ADGRL3: variants seen among roughly 807,000 people sequenced by gnomAD.
ADGRL3 encodes the protein adhesion G protein-coupled receptor L3, also known as calcium-independent alpha-latrotoxin receptor 3.
A neutral mutation model predicts 153.5 loss-of-function variants in ADGRL3; 62 were observed. The observed-to-expected ratio is 0.40, with a 90% CI of 0.33 to 0.50. The LOEUF is 0.50. Ranked by LOEUF, ADGRL3 falls within the 20% of genes least tolerant of loss-of-function variation. ADGRL3 has a pLI of 0.47. For synonymous variants in ADGRL3, 710 were observed against 672.5 expected, an observed-to-expected ratio of 1.06 and a Z score of -0.86; for missense variants, 1,641 against 1,859.4, an observed-to-expected ratio of 0.88 and a Z score of 2.16.
intron 9 of ADGRL3, among the ~76,000 whole-genome samples, chr4:61,823,053 T>C (rs2097770043): frequency 6.6e-6 from 1 of 152,114 alleles, no homozygotes; most frequent in Non-Finnish European, 1.5e-5. Flanking sequence ...GATTAGTATG[T>C]CTCTAAGTAG....
chr4:61,898,775 C>A lies in ADGRL3; in HGVS notation c.1887+2941C>A, dbSNP rs114741125. On this transcript the variant is annotated intron_variant, in intron 11 of 26. Transcript: ENST00000683033. ...GGGACTACAGGCACACACTGCAACA[C>A]TTGGCGAATTTTTTGTATTTTAGTA... Among the ~76,000 whole-genome samples, 173 of 152,156 alleles carry A rather than the reference C, an allele frequency of 1.1e-3. 4 individuals are homozygous for A. Among genetic ancestry groups the A allele is most frequent in the South Asian group, 7.1e-3 (34 of 4,814 alleles).
rs1407498611 is a variant in ADGRL3 at position 62,070,382 on chromosome 4, G to A, written c.4106G>A (p.Ser1369Asn). 6.4e-7 allele frequency: 1 copy of A among 1,551,996 alleles called. No individual in the cohort carries two copies. Among genetic ancestry groups the A allele is most frequent in the East Asian group, 2.4e-5 (1 of 40,900 alleles). ...AACAAGCTGGTGAATAACCTTGGCA[G>A]TGGAAGGGAAGATGATGCCATTGTC... ...LMNKLVNNLGSGREDDAIVLD... is the reference protein window; with the variant it reads ...LMNKLVNNLGNGREDDAIVLD... The change falls in exon 27 of 27, where the codon AGT (serine) becomes AAT (asparagine). Residue 1369 changes from serine to asparagine, a missense_variant. Ser to Asn is a conservative substitution (Grantham distance 46, BLOSUM62 1). Transcript: ENST00000683033.
chr4:61,384,728 G>T (rs1291823458), intron 2 of ADGRL3, among the ~76,000 whole-genome samples: 2 of 151,844 alleles, frequency 1.3e-5, no homozygotes, highest in Non-Finnish European at 1.5e-5. Flanking sequence ...CACTCCAGTA[G>T]AAGCTAATAA....
intron 5 of ADGRL3, among the ~76,000 whole-genome samples, chr4:61,648,905 A>C (rs1197643953): frequency 6.6e-6 from 1 of 152,056 alleles, no homozygotes; most frequent in East Asian, 1.9e-4. Context: ...TGTTAGGGAC[A>C]TGATAAGAAC....
intron 5 of ADGRL3, among the ~76,000 whole-genome samples, chr4:61,647,266 C>A (rs553562400): frequency 2.0e-5 from 3 of 152,118 alleles, no homozygotes; most frequent in Admixed American, 1.3e-4. Flanking sequence ...GAGCTGTAGA[C>A]CAGAGCTTTT....
intron 1 of ADGRL3, among the ~76,000 whole-genome samples, chr4:61,380,877 C>T (rs1205643537): frequency 6.6e-6 from 1 of 151,984 alleles, no homozygotes; most frequent in Non-Finnish European, 1.5e-5. Flanking sequence ...AAAAGAAATT[C>T]AGTCGTATTA....
intron 4 of ADGRL3, among the ~76,000 whole-genome samples, chr4:61,573,140 T>G (rs2098845797): frequency 6.6e-6 from 1 of 152,042 alleles, no homozygotes; most frequent in South Asian, 2.1e-4. Context: ...TGTAAGGTAT[T>G]GCTATCCAGC....
At chr4:61,647,031 T>C (rs541442489) in intron 5 of ADGRL3, among the ~76,000 whole-genome samples, 1 of 152,244 alleles carries the variant, frequency 6.6e-6, no homozygotes, top group Admixed American at 6.5e-5. Flanking sequence ...TGGGAGTCAC[T>C]CGATTTTCCA....
At chr4:61,759,587 G>A (rs908190062) in intron 8 of ADGRL3, among the ~76,000 whole-genome samples, 1 of 151,944 alleles carries the variant, frequency 6.6e-6, no homozygotes, top group Non-Finnish European at 1.5e-5. Flanking sequence ...TTTTTTTCAA[G>A]GTTTTTAATT....
intron 1 of ADGRL3, among the ~76,000 whole-genome samples, chr4:61,337,022 A>C (rs564387872): frequency 6.6e-6 from 1 of 151,246 alleles, no homozygotes; most frequent in South Asian, 2.1e-4. Context: ...ATTTGAGGCT[A>C]ATTTCCTACC....
At chr4:61,762,266 A>G (rs924000234) in intron 8 of ADGRL3, among the ~76,000 whole-genome samples, 1 of 152,204 alleles carries the variant, frequency 6.6e-6, no homozygotes, top group Admixed American at 6.5e-5. Context: ...AAACATTTAT[A>G]TTAAAAATAT....
intron 9 of ADGRL3, among the ~76,000 whole-genome samples, chr4:61,821,136 A>T (rs1036396746): frequency 6.6e-6 from 1 of 150,538 alleles, no homozygotes; most frequent in African/African-American, 2.5e-5. Context: ...CCATTATAGA[A>T]ATTCTTCACA....
Position 61,313,612 on chromosome 4 carries a change from G to C in ADGRL3, c.-239-69512G>C, listed in dbSNP as rs550864497. 9.2e-5 allele frequency among the ~76,000 whole-genome samples: 14 copies of C among 152,232 alleles called. No individual in the cohort carries two copies. The South Asian group carries it at 2.9e-3, about 32-fold the overall frequency. ...GTATAACACAACCAATTTTACCACA[G>C]AGTAAGTGATGTAAATAAAAGTTAA... is the stretch of plus-strand genomic sequence containing the variant. On this transcript the variant is annotated intron_variant, in intron 1 of 26. Coordinates refer to ENST00000683033, the MANE Select transcript of ADGRL3 (RefSeq NM_001387552.1).
At chr4:61,325,758 A>G (rs572784571) in intron 1 of ADGRL3, among the ~76,000 whole-genome samples, 22 of 152,282 alleles carry the variant, frequency 1.4e-4, no homozygotes, top group African/African-American at 4.8e-4. Context: ...TTAGTAGAGT[A>G]AAAATATGTT....
chr4:62,043,403 C>G (rs1729445588), intron 24 of ADGRL3, among the ~76,000 whole-genome samples: 1 of 151,900 alleles, frequency 6.6e-6, no homozygotes. Context: ...AGTTTTCTGT[C>G]TATGTCTGTG....
intron 1 of ADGRL3, among the ~76,000 whole-genome samples, chr4:61,280,111 TTC>T (rs68115526): frequency 0.71 from 85,363 of 120,026 alleles, 30,481 homozygotes; most frequent in Middle Eastern, 0.81. Context: ...TCTTTTCTTT[TTC>T]TTTTTTTTTT....
chr4:61,379,327 A>T (rs1403184173), intron 1 of ADGRL3, among the ~76,000 whole-genome samples: 1 of 152,022 alleles, frequency 6.6e-6, no homozygotes, highest in African/African-American at 2.4e-5. Flanking sequence ...CCTATTTAAC[A>T]TCCAAAAAAA....
chr4:62,026,734 T>C (rs1718812621), intron 21 of ADGRL3, among the ~76,000 whole-genome samples: 1 of 151,912 alleles, frequency 6.6e-6, no homozygotes, highest in African/African-American at 2.4e-5. Flanking sequence ...ATAAGGTACA[T>C]GAGGGCTATA....
intron 1 of ADGRL3, among the ~76,000 whole-genome samples, chr4:61,237,757 C>G (rs1753388610): frequency 6.6e-6 from 1 of 152,116 alleles, no homozygotes; most frequent in Non-Finnish European, 1.5e-5. Flanking sequence ...TTTTGAAAAT[C>G]TGGTAGGTAA....
Sources: gnomAD v4.1 joint callset for allele counts (sites outside exome capture counted in the v4.1 genomes callset) on GRCh38, gnomAD v4.1.1 for gene constraint, MANE v1.5 for transcripts, NCBI Gene and HGNC (gene_info 2026-07-23, HGNC 2026-07-21) for gene names.